The following TANGO6 variants were observed in gnomAD, a reference collection of about 807,000 sequenced individuals.
The protein encoded by TANGO6 is transport and golgi organization 6 homolog, also known as transport and Golgi organization protein 6 homolog.
A neutral mutation model predicts 114.2 loss-of-function variants in TANGO6; 90 were observed. The ratio of observed to expected loss-of-function variants is 0.79; its 90% CI spans 0.66 to 0.94. The LOEUF is 0.94. Ranked by LOEUF, TANGO6 falls within the 40% of genes least tolerant of loss-of-function variation. TANGO6 has a pLI of 0.00. For missense variants in TANGO6, 1,274 were observed against 1,315.3 expected (o/e 0.97, Z 0.49); for synonymous variants, 477 against 509.8 (o/e 0.94, Z 0.87).
chr16:68,877,163 C>T (rs1279773607), intron 5 of TANGO6, among the ~76,000 whole-genome samples: 2 of 152,038 alleles, frequency 1.3e-5, no homozygotes, highest in African/African-American at 4.8e-5. Flanking sequence ...TTGATCTTTG[C>T]AAATCTGATA....
At position 69,053,953 on chromosome 16, in the gene TANGO6, T is replaced by G. The variant is rs943476241; in HGVS notation, c.3108+13532T>G. 1.2e-4 allele frequency among the ~76,000 whole-genome samples: 19 copies of G among 152,156 alleles called. No homozygotes were observed. The East Asian group carries it at 1.9e-3, about 15-fold the overall frequency. On this transcript the variant is annotated intron_variant, in intron 17 of 17. Coordinates refer to ENST00000261778, the MANE Select transcript of TANGO6 (RefSeq NM_024562.2). ...GGTGGCAGGGGCCTGTAATCCCAGC[T>G]AATCAGGAGGCTGAGGTAGGAGAAT...
intron 14 of TANGO6, among the ~76,000 whole-genome samples, chr16:68,949,835 A>T (rs1963454594): frequency 1.3e-5 from 2 of 151,366 alleles, no homozygotes; most frequent in Non-Finnish European, 1.5e-5. Flanking sequence ...GTTTATATTT[A>T]TATATATATA....
intron 15 of TANGO6, among the ~76,000 whole-genome samples, chr16:68,999,770 C>CA (rs942597888): frequency 2.0e-5 from 3 of 152,096 alleles, no homozygotes; most frequent in Non-Finnish European, 4.4e-5. Context: ...GTGTTTTAAG[C>CA]AAAAAATCAT....
intron 11 of TANGO6, among the ~76,000 whole-genome samples, chr16:68,915,569 G>A (rs1962992360): frequency 6.6e-6 from 1 of 152,220 alleles, no homozygotes; most frequent in Admixed American, 6.5e-5. Context: ...CAGCTAAGGA[G>A]TGCTTTAGAA....
intron 16 of TANGO6, among the ~76,000 whole-genome samples, chr16:69,026,887 G>T (rs1959510515): frequency 6.6e-6 from 1 of 152,070 alleles, no homozygotes; most frequent in African/African-American, 2.4e-5. Context: ...TTTTGAGATG[G>T]AGTCTCGCTT....
chr16:68,992,362 T>TA (rs1963953298), intron 15 of TANGO6, among the ~76,000 whole-genome samples: 2 of 152,242 alleles, frequency 1.3e-5, no homozygotes, highest in Admixed American at 1.3e-4. Flanking sequence ...ACAAGTTATA[T>TA]AACTTCTTTG....
chr16:68,949,569 C>T (rs528319995), intron 14 of TANGO6, among the ~76,000 whole-genome samples: 1 of 151,330 alleles, frequency 6.6e-6, no homozygotes, highest in Non-Finnish European at 1.5e-5. Flanking sequence ...TGCAGTGAGC[C>T]GAGATTGCAC....
chr16:68,942,292 AG>A, intron 14 of TANGO6, among the ~76,000 whole-genome samples: 1 of 152,166 alleles, frequency 6.6e-6, no homozygotes, highest in South Asian at 2.1e-4. Context: ...ACTGCACTCC[AG>A]CCTGGGCGAC....
chr16:68,990,594 A>G (rs551893999), intron 15 of TANGO6, among the ~76,000 whole-genome samples: 16 of 152,040 alleles, frequency 1.1e-4, no homozygotes, highest in Non-Finnish European at 2.1e-4. Context: ...TTTCGTAGAG[A>G]CAGGGTCTCA....
chr16:68,884,826 G>T (rs1243876645), intron 7 of TANGO6, among the ~76,000 whole-genome samples: 1 of 152,158 alleles, frequency 6.6e-6, no homozygotes, highest in African/African-American at 2.4e-5. Context: ...CCCCAAAAAA[G>T]AGGGAGGAAA....
chr16:69,054,416 G>A (rs1185728429), intron 17 of TANGO6, among the ~76,000 whole-genome samples: 2 of 152,134 alleles, frequency 1.3e-5, no homozygotes. Flanking sequence ...AAGAGGCATG[G>A]TGCCATCAAC....
intron 15 of TANGO6, among the ~76,000 whole-genome samples, chr16:69,013,673 C>T (rs1188715473): frequency 0.012 from 1,208 of 102,342 alleles, 19 homozygotes; most frequent in African/African-American, 0.045. Flanking sequence ...TTTTTTTTTT[C>T]CGAGACCAGG....
At chr16:68,920,358 G>A (rs1597020185) in intron 12 of TANGO6, among the ~76,000 whole-genome samples, 1 of 152,192 alleles carries the variant, frequency 6.6e-6, no homozygotes, top group East Asian at 1.9e-4. Context: ...CACGTACAAA[G>A]GCTTAGAAGC....
intron 15 of TANGO6, among the ~76,000 whole-genome samples, chr16:69,005,444 G>T (rs901617425): frequency 1.3e-5 from 2 of 152,068 alleles, no homozygotes; most frequent in African/African-American, 4.8e-5. Flanking sequence ...AGGTCTTATG[G>T]CCACTTTCCC....
chr16:69,024,911 G>A (rs1364442135), intron 16 of TANGO6, among the ~76,000 whole-genome samples: 2 of 152,136 alleles, frequency 1.3e-5, no homozygotes, highest in African/African-American at 4.8e-5. Context: ...AGGTTCAAGC[G>A]ATTCTCCCGC....
chr16:69,017,519 T>C (rs1349206589), intron 15 of TANGO6, among the ~76,000 whole-genome samples: 1 of 152,182 alleles, frequency 6.6e-6, no homozygotes, highest in Non-Finnish European at 1.5e-5. Flanking sequence ...CCTTCCTTCC[T>C]GACAAGGAAC....
Position 69,050,513 on chromosome 16 carries a change from G to A in TANGO6, c.3108+10092G>A, listed in dbSNP as rs552304068. 4.1e-5 allele frequency among the ~76,000 whole-genome samples: 6 copies of A among 147,892 alleles called. No homozygotes were observed. The South Asian group carries it at 6.5e-4, about 16-fold the overall frequency. On this transcript the variant is annotated intron_variant, in intron 17 of 17. Transcript: ENST00000261778. ...CTAATTTTTTTTTTTTTTTTGAGAC[G>A]GAGTCTTGCTCTGTCACCCAGGCTG...
chr16:68,885,055 G>T (rs1962521067), intron 7 of TANGO6, among the ~76,000 whole-genome samples: 2 of 152,308 alleles, frequency 1.3e-5, no homozygotes, highest in Non-Finnish European at 1.5e-5. Context: ...TAAACACTGG[G>T]TAAAATTTAA....
intron 1 of TANGO6, among the ~76,000 whole-genome samples, chr16:68,854,077 T>G (rs1961947649): frequency 6.6e-6 from 1 of 152,222 alleles, no homozygotes; most frequent in African/African-American, 2.4e-5. Context: ...TGCCTTTTCA[T>G]TTTTAGAACT....
Sources: allele counts gnomAD v4.1 joint callset (sites outside exome capture counted in the v4.1 genomes callset), GRCh38; gene constraint gnomAD v4.1.1; transcripts MANE v1.5; gene names NCBI Gene and HGNC (gene_info 2026-07-23, HGNC 2026-07-21).